ANKRD36C: variants seen among roughly 807,000 people sequenced by gnomAD.
The protein encoded by ANKRD36C is ankyrin repeat domain 36C, also known as ankyrin repeat domain-containing protein 36C.
ANKRD36C carries 61 observed loss-of-function variants against 276.4 expected under a neutral mutation model. The ratio of observed to expected loss-of-function variants is 0.22; its 90% confidence interval spans 0.18 to 0.27. The LOEUF is 0.27. Among genes scored for constraint, ANKRD36C ranks in the 10% least tolerant of loss-of-function variants. The pLI is 1.00. For missense variants in ANKRD36C, 1,447 were observed against 2,032.3 expected, an observed-to-expected ratio of 0.71 and a Z score of 5.54; for synonymous variants, 483 against 680.1, an observed-to-expected ratio of 0.71 and a Z score of 4.51.
intron 63 of ANKRD36C, 50 bp downstream of exon 83, chr2:95,855,216 A>C (rs1278213058): frequency 6.7e-7 from 1 of 1,492,622 alleles, no homozygotes; most frequent in Non-Finnish European, 8.9e-7. Flanking sequence ...ATATTACTTT[A>C]AATTTTACTT....
Position 95,921,637 on chromosome 2 carries a change from C to A in ANKRD36C, c.2215G>T (p.Glu739Ter). 2.5e-6 allele frequency: 4 copies of A among 1,609,258 alleles called. No homozygotes were observed. Among genetic ancestry groups the A allele is most frequent in the Non-Finnish European group, 3.4e-6 (4 of 1,177,448 alleles). ...CCAGATTTTTCTCCATCCTTTATTT[C>A]TGTGGCTATATTCGAAACAGAATCT... is the stretch of plus-strand genomic sequence containing the variant. The change falls in exon 34 of 67, where the codon GAA becomes TAA. Residue 739 changes from glutamate to a stop codon, truncating the protein, a stop_gained. Coordinates refer to ENST00000456556, the Ensembl canonical transcript of ANKRD36C. LOFTEE classifies it high-confidence loss of function.
chr2:95,959,823 G>A (rs1340699084), intron 10 of ANKRD36C, among the ~76,000 whole-genome samples: 3 of 152,084 alleles, frequency 2.0e-5, no homozygotes, highest in Admixed American at 6.6e-5. Flanking sequence ...AGGGTTAACA[G>A]GTGACTGTGG....
chr2:95,902,438 T>A (rs894804144), intron 42 of ANKRD36C, among the ~76,000 whole-genome samples: 1 of 150,388 alleles, frequency 6.6e-6, no homozygotes, highest in Non-Finnish European at 1.5e-5. Context: ...TCCGTCTCCC[T>A]TAGGAAAATA....
chr2:95,893,223 C>T (rs2104356827), intron 44 of ANKRD36C, among the ~76,000 whole-genome samples: 1 of 151,390 alleles, frequency 6.6e-6, no homozygotes, highest in Non-Finnish European at 1.5e-5. Flanking sequence ...TTTCTCCTTC[C>T]ACCCTTACTG....
At chr2:95,861,486 A>G (rs1378787676) in intron 60 of ANKRD36C, among the ~76,000 whole-genome samples, 1 of 151,868 alleles carries the variant, frequency 6.6e-6, no homozygotes, top group Non-Finnish European at 1.5e-5. Context: ...AAAAATGAAA[A>G]TGTATCATTG....
downstream of ANKRD36C, among the ~76,000 whole-genome samples, chr2:95,850,131 T>C (rs1232710182): frequency 6.6e-6 from 1 of 152,304 alleles, no homozygotes; most frequent in African/African-American, 2.4e-5. Context: ...TACTATTAAA[T>C]ATAATTTGCC....
At chr2:95,850,183 C>G (rs1198903984), downstream of ANKRD36C, among the ~76,000 whole-genome samples, 2 of 152,300 alleles carry the variant, frequency 1.3e-5, no homozygotes, top group Admixed American at 1.3e-4. Flanking sequence ...AGTTAAGTAT[C>G]AGAGCTTCTG....
At chr2:95,874,837 AAAAC>A (rs1210644731) in intron 59 of ANKRD36C, among the ~76,000 whole-genome samples, 2 of 152,258 alleles carry the variant, frequency 1.3e-5, no homozygotes, top group Admixed American at 1.3e-4. Flanking sequence ...TTACAAGAAA[AAAAC>A]AAACAACCCC....
At chr2:95,869,687 C>T (rs113681751) in intron 59 of ANKRD36C, among the ~76,000 whole-genome samples, 16 of 152,276 alleles carry the variant, frequency 1.1e-4, no homozygotes, top group South Asian at 6.2e-4. Flanking sequence ...GTGCACCGTG[C>T]GTGACCCAAA....
intron 40 of ANKRD36C, among the ~76,000 whole-genome samples, chr2:95,913,419 A>T (rs1676993433): frequency 6.6e-6 from 1 of 151,476 alleles, no homozygotes; most frequent in Non-Finnish European, 1.5e-5. Context: ...AACTAAAATC[A>T]ACAAAACATG....
At chr2:95,987,328 T>C in intron 1 of ANKRD36C, 122 bp from the exon 2 acceptor site, 2 of 1,436,240 alleles carry the variant, frequency 1.4e-6, no homozygotes, top group Admixed American at 2.7e-5. Flanking sequence ...TTAGCGCTTA[T>C]TACCACATTA....
chr2:95,943,767 T>A (rs1478924855), intron 19 of ANKRD36C, among the ~76,000 whole-genome samples: 5 of 151,938 alleles, frequency 3.3e-5, no homozygotes, highest in Non-Finnish European at 7.4e-5. Flanking sequence ...AACACAGCAT[T>A]CACTAGATAA....
chr2:95,960,189 TA>T (rs1047823341), intron 10 of ANKRD36C, among the ~76,000 whole-genome samples: 2 of 152,066 alleles, frequency 1.3e-5, no homozygotes, highest in Admixed American at 6.6e-5. Flanking sequence ...GCTGTAGAAT[TA>T]AAGCAAAATT....
exon 63 of ANKRD36C, chr2:95,855,947 A>G: frequency 6.2e-7 from 1 of 1,613,470 alleles, no homozygotes; most frequent in Non-Finnish European, 8.5e-7. Context: ...CATCCGTCAG[A>G]GCAGCAAGCT....
intron 19 of ANKRD36C, among the ~76,000 whole-genome samples, chr2:95,943,691 C>CA (rs548245004): frequency 5.1e-4 from 78 of 151,738 alleles, no homozygotes; most frequent in Admixed American, 2.4e-3. Context: ...TAACAAGAGT[C>CA]AAAAAGTAAT....
intron 19 of ANKRD36C, among the ~76,000 whole-genome samples, chr2:95,943,007 G>T (rs1405611392): frequency 6.7e-6 from 1 of 150,268 alleles, no homozygotes; most frequent in African/African-American, 2.5e-5. Flanking sequence ...ACTTTGTTTA[G>T]AAAACAATCA....
At position 95,874,459 on chromosome 2, in the gene ANKRD36C, G is replaced by A. The variant is rs569323267; in HGVS notation, c.3540+1980C>T. ...TTCCCTATTTAATAAATGGTGCTGG[G>A]AAAACTGGCTAGCCATATGTAGAAA... is the stretch of plus-strand genomic sequence containing the variant. On this transcript the variant is annotated intron_variant, in intron 59 of 66. Transcript: ENST00000456556. Among the ~76,000 whole-genome samples, 75 of 152,310 alleles carry A rather than the reference G, an allele frequency of 4.9e-4. 1 individual carries two copies. The highest frequency in any genetic ancestry group is 7.2e-4 in the Non-Finnish European group (49 of 68,024).
At chr2:95,874,510 C>T (rs1487461136) in intron 59 of ANKRD36C, among the ~76,000 whole-genome samples, 1 of 152,218 alleles carries the variant, frequency 6.6e-6, no homozygotes, top group Admixed American at 6.5e-5. Context: ...CTTCCTTACA[C>T]CTTATACAAA....
intron 6 of ANKRD36C, among the ~76,000 whole-genome samples, chr2:95,969,065 C>T (rs1161988889): frequency 6.6e-6 from 1 of 152,068 alleles, no homozygotes; most frequent in African/African-American, 2.4e-5. Context: ...GGATGCTCTC[C>T]AAATCCAATC....
Sources: allele counts gnomAD v4.1 joint callset (sites outside exome capture counted in the v4.1 genomes callset), GRCh38; gene constraint gnomAD v4.1.1; transcripts MANE v1.5; gene names NCBI Gene and HGNC (gene_info 2026-07-23, HGNC 2026-07-21).